Variants in GLIS3 observed in about 807,000 individuals in gnomAD.
The protein encoded by GLIS3 is zinc finger protein GLIS3.
A neutral mutation model predicts 78.6 loss-of-function variants in GLIS3; 53 were observed. The observed-to-expected ratio is 0.67, with a 90% CI of 0.54 to 0.85. The LOEUF (loss-of-function observed/expected upper bound fraction) is 0.85, where lower values mean the gene tolerates loss of function less well. GLIS3 is among the 40% of genes least tolerant of loss of function. The pLI is 0.00. For synonymous variants in GLIS3, 684 were observed against 509.9 expected, an observed-to-expected ratio of 1.34 and a Z score of -4.60; for missense variants, 1,703 against 1,231.1, an observed-to-expected ratio of 1.38 and a Z score of -5.74.
At chr9:3,866,009 C>T (rs1819210356) in intron 8 of GLIS3, among the ~76,000 whole-genome samples, 2 of 152,138 alleles carry the variant, frequency 1.3e-5, no homozygotes, top group Admixed American at 6.5e-5. Flanking sequence ...TCCTGTCTTC[C>T]CATGAAGTGG....
In GLIS3 at chr9:4,093,791, A is replaced by C. The variant is rs112746616; in HGVS notation, c.1710+23977T>G. On this transcript the variant is annotated intron_variant, in intron 4 of 10. Transcript: ENST00000381971. The stretch of plus-strand genomic sequence containing the variant: ...CATGCTGCTAAATATCTATATATAT[A>C]TTTTTAAATTTTAGGCCATTTAAGG... Among the ~76,000 whole-genome samples the C allele has an allele frequency of 8.6e-3, 1,311 of 152,226 alleles. 18 individuals carry two copies. Among genetic ancestry groups the C allele is most frequent in the African/African-American group, 0.03 (1,226 of 41,530 alleles).
chr9:4,292,065 A>G (rs569289594), intron 1 of GLIS3, among the ~76,000 whole-genome samples: 1 of 152,266 alleles, frequency 6.6e-6, no homozygotes, highest in African/African-American at 2.4e-5. Context: ...TGGAACCAAA[A>G]AGATTTTTAA....
upstream of GLIS3, among the ~76,000 whole-genome samples, chr9:4,301,076 A>T (rs1817050423): frequency 1.3e-5 from 2 of 152,180 alleles, no homozygotes; most frequent in Admixed American, 1.3e-4. Flanking sequence ...AGCCAAAACT[A>T]AAAGACTATT....
intron 2 of GLIS3, among the ~76,000 whole-genome samples, chr9:4,211,741 A>T (rs537029887): frequency 3.9e-5 from 6 of 152,356 alleles, no homozygotes; most frequent in Admixed American, 3.9e-4. Context: ...AGCACTGTTC[A>T]TAACAGCCAA....
intron 6 of GLIS3, among the ~76,000 whole-genome samples, chr9:3,922,122 A>G (rs1015511035): frequency 2.0e-5 from 3 of 152,260 alleles, no homozygotes; most frequent in African/African-American, 4.8e-5. Context: ...TATGCGCTAT[A>G]GAATTGTTCA....
chr9:3,829,235 G>GGTCGGTCACGGGCAGCCCAC, intron 10 of GLIS3, 75 bp downstream of exon 10: 1 of 1,301,612 alleles, frequency 7.7e-7, no homozygotes. Flanking sequence ...GTCCAGCCCA[G>GGTCGGTCACGGGCAGCCCAC]GTCGGTCACG....
chr9:4,051,165 C>G (rs1448373729), intron 4 of GLIS3, among the ~76,000 whole-genome samples: 3 of 152,182 alleles, frequency 2.0e-5, no homozygotes, highest in Non-Finnish European at 4.4e-5. Context: ...GAGCCTCAAA[C>G]AAACAGAGCA....
Position 4,015,761 on chromosome 9 carries a change from C to T in GLIS3, c.1711-78572G>A, listed in dbSNP as rs537098918. On this transcript the variant is annotated intron_variant, in intron 4 of 10. Transcript: ENST00000381971. ...AGTATTAGTCGAGAGTGGTGGCGGG[C>T]GCCTGTAATCCCAGCTACTTGGGAG... Among the ~76,000 whole-genome samples, 216 of 151,850 alleles carry T rather than the reference C, an allele frequency of 1.4e-3. 2 individuals are homozygous for T. Among genetic ancestry groups the T allele is most frequent in the Non-Finnish European group, 2.6e-3 (179 of 67,952 alleles).
intron 2 of GLIS3, among the ~76,000 whole-genome samples, chr9:4,240,446 C>A (rs751108268): frequency 6.6e-6 from 1 of 152,004 alleles, no homozygotes; most frequent in Non-Finnish European, 1.5e-5. Flanking sequence ...AGCAGCAGTT[C>A]GCGGTCTGGG....
chr9:4,383,749 G>A, the GLIS3 span, among the ~76,000 whole-genome samples: 3 of 152,182 alleles, frequency 2.0e-5, no homozygotes, highest in Non-Finnish European at 2.9e-5. Context: ...TTTACTTCCA[G>A]AAAAGTAGAT....
At chr9:4,209,152 C>A (rs73398492) in intron 2 of GLIS3, among the ~76,000 whole-genome samples, 7,322 of 152,206 alleles carry the variant, frequency 0.048, 584 homozygotes, top group African/African-American at 0.17. Flanking sequence ...ATGCACCACT[C>A]TGGAGACCCC....
intron 2 of GLIS3, among the ~76,000 whole-genome samples, chr9:4,134,095 A>C (rs914056380): frequency 4.6e-5 from 7 of 152,194 alleles, no homozygotes; most frequent in Non-Finnish European, 8.8e-5. Flanking sequence ...GACTGAAAGG[A>C]ATTTTTTTTA....
At chr9:4,236,117 C>G (rs10814896) in intron 2 of GLIS3, among the ~76,000 whole-genome samples, 2 of 135,460 alleles carry the variant, frequency 1.5e-5, no homozygotes, top group Admixed American at 8.3e-5. Context: ...GTTCACTGTT[C>G]TCACACAGCT....
chr9:4,233,814 T>C (rs749165211), intron 2 of GLIS3, among the ~76,000 whole-genome samples: 1 of 152,242 alleles, frequency 6.6e-6, no homozygotes, highest in Non-Finnish European at 1.5e-5. Flanking sequence ...TTTATCTACA[T>C]TGAAAGTCTG....
At chr9:4,085,857 G>T (rs113023132) in intron 4 of GLIS3, among the ~76,000 whole-genome samples, 127 of 152,224 alleles carry the variant, frequency 8.3e-4, no homozygotes, top group African/African-American at 2.9e-3. Context: ...ACTTCCTGAG[G>T]CCTCCACAGA....
At chr9:4,322,623 TCTCA>T (rs765240450) in intron 2 of GLIS3, among the ~76,000 whole-genome samples, 6 of 152,216 alleles carry the variant, frequency 3.9e-5, no homozygotes, top group African/African-American at 7.2e-5. Context: ...TGAGATGGTG[TCTCA>T]CTGTGTTTTT....
At chr9:4,187,656 T>C (rs1182932767) in intron 2 of GLIS3, among the ~76,000 whole-genome samples, 1 of 152,218 alleles carries the variant, frequency 6.6e-6, no homozygotes, top group Non-Finnish European at 1.5e-5. Context: ...TTTGTTTGTA[T>C]CCTCTTTTAT....
the GLIS3 span, among the ~76,000 whole-genome samples, chr9:4,466,352 C>T: frequency 3.3e-5 from 5 of 152,326 alleles, no homozygotes; most frequent in South Asian, 1.0e-3. Flanking sequence ...GATGGCTTCA[C>T]TGATGAATTC....
At chr9:4,108,502 G>A (rs1830948534) in intron 4 of GLIS3, among the ~76,000 whole-genome samples, 3 of 152,200 alleles carry the variant, frequency 2.0e-5, no homozygotes, top group African/African-American at 7.2e-5. Flanking sequence ...CTCCATTTCC[G>A]CTTCATTACA....
Sources: gnomAD v4.1 joint callset for allele counts (sites outside exome capture counted in the v4.1 genomes callset) on GRCh38, gnomAD v4.1.1 for gene constraint, MANE v1.5 for transcripts, NCBI Gene and HGNC (gene_info 2026-07-23, HGNC 2026-07-21) for gene names.